The following SMYD3 variants were observed in gnomAD, a reference collection of about 807,000 sequenced individuals.
The protein encoded by SMYD3 is histone-lysine N-methyltransferase SMYD3.
A neutral mutation model predicts 57.7 loss-of-function variants in SMYD3; 36 were observed. The observed-to-expected ratio is 0.62, with a 90% CI of 0.48 to 0.82. SMYD3 has a LOEUF of 0.82. Ranked by LOEUF, SMYD3 falls within the 40% of genes least tolerant of loss-of-function variation. SMYD3 has a pLI of 0.00. For synonymous variants in SMYD3, 211 were observed against 195.0 expected (o/e 1.08, Z -0.68); for missense variants, 515 against 538.8 (o/e 0.96, Z 0.44).
At chr1:245,876,808 C>T (rs1186044892) in intron 8 of SMYD3, among the ~76,000 whole-genome samples, 8 of 152,272 alleles carry the variant, frequency 5.3e-5, no homozygotes, top group South Asian at 2.1e-4. Flanking sequence ...TTCTAAATAC[C>T]GCACGTGATA....
At chr1:246,332,201 AC>A (rs1331116513) in intron 3 of SMYD3, among the ~76,000 whole-genome samples, 1 of 152,262 alleles carries the variant, frequency 6.6e-6, no homozygotes, top group Non-Finnish European at 1.5e-5. Context: ...GGCCTCTTGC[AC>A]CAAACAGCCA....
chr1:246,503,954 T>TAAA (rs55709330), intron 1 of SMYD3, among the ~76,000 whole-genome samples: 5 of 128,386 alleles, frequency 3.9e-5, no homozygotes, highest in African/African-American at 9.1e-5. Flanking sequence ...AACTCCATCT[T>TAAA]AAAAAAAAAA....
chr1:246,039,056 C>A (rs1014915078), intron 5 of SMYD3, among the ~76,000 whole-genome samples: 1 of 152,160 alleles, frequency 6.6e-6, no homozygotes, highest in African/African-American at 2.4e-5. Context: ...AATTTCCTTT[C>A]CTTGTTTTCT....
chr1:245,775,259 GT>G (rs2046530169), intron 10 of SMYD3, among the ~76,000 whole-genome samples: 1 of 152,074 alleles, frequency 6.6e-6, no homozygotes, highest in Non-Finnish European at 1.5e-5. Context: ...GACGATGGCG[GT>G]TTTGTCGAGT....
At chr1:246,088,876 C>T (rs1483864196) in intron 5 of SMYD3, among the ~76,000 whole-genome samples, 1 of 152,156 alleles carries the variant, frequency 6.6e-6, no homozygotes, top group Non-Finnish European at 1.5e-5. Context: ...TACATACACA[C>T]ACATATATAT....
At chr1:245,797,549 T>C (rs1402252817) in intron 10 of SMYD3, among the ~76,000 whole-genome samples, 1 of 145,796 alleles carries the variant, frequency 6.9e-6, no homozygotes, top group Non-Finnish European at 1.5e-5. Flanking sequence ...GGGGGTAGGA[T>C]AGCATTAGGA....
chr1:245,956,067 A>G (rs1466439698), intron 5 of SMYD3: 1 of 983,694 alleles, frequency 1.0e-6, no homozygotes. Context: ...GGTTATACAA[A>G]TAGATAACAT....
At chr1:245,812,963 A>C (rs541141768) in intron 10 of SMYD3, among the ~76,000 whole-genome samples, 1 of 142,836 alleles carries the variant, frequency 7.0e-6, no homozygotes, top group South Asian at 2.3e-4. Flanking sequence ...TGAGGAGGTG[A>C]GGAGGAGAGG....
intron 1 of SMYD3, among the ~76,000 whole-genome samples, chr1:246,449,757 T>C (rs548935664): frequency 5.3e-5 from 8 of 152,076 alleles, no homozygotes; most frequent in Non-Finnish European, 1.2e-4. Flanking sequence ...CAGAGAAGTG[T>C]CAATGAAGTC....
At chr1:246,237,774 C>T (rs756587138) in intron 5 of SMYD3, among the ~76,000 whole-genome samples, 1 of 152,122 alleles carries the variant, frequency 6.6e-6, no homozygotes, top group South Asian at 2.1e-4. Flanking sequence ...CCATCCGTAT[C>T]GTACTGTGAC....
At chr1:246,301,337 A>G (rs1047407259) in intron 5 of SMYD3, among the ~76,000 whole-genome samples, 1 of 152,178 alleles carries the variant, frequency 6.6e-6, no homozygotes, top group African/African-American at 2.4e-5. Flanking sequence ...GCAGGAGCCA[A>G]GACAAACCAA....
intron 8 of SMYD3, among the ~76,000 whole-genome samples, chr1:245,869,845 T>A (rs1053507243): frequency 1.3e-5 from 2 of 152,298 alleles, no homozygotes; most frequent in Middle Eastern, 3.4e-3. Context: ...TCCATTTAAG[T>A]CTTTGGCTTT....
At chr1:245,949,314 C>T (rs2057534816) in intron 5 of SMYD3, among the ~76,000 whole-genome samples, 1 of 152,196 alleles carries the variant, frequency 6.6e-6, no homozygotes, top group Non-Finnish European at 1.5e-5. Flanking sequence ...TAGCCCACCA[C>T]CGCCACCGTG....
intron 1 of SMYD3, among the ~76,000 whole-genome samples, chr1:246,444,332 G>A (rs550631312): frequency 6.4e-4 from 98 of 152,132 alleles, no homozygotes; most frequent in Non-Finnish European, 1.1e-3. Flanking sequence ...CACCATGTTG[G>A]CCAGACTGGT....
At chr1:246,043,447 A>G (rs1361120800) in intron 5 of SMYD3, among the ~76,000 whole-genome samples, 3 of 152,238 alleles carry the variant, frequency 2.0e-5, no homozygotes, top group Admixed American at 2.0e-4. Context: ...ATATCTTGAG[A>G]TAGAACCAAC....
intron 2 of SMYD3, among the ~76,000 whole-genome samples, chr1:246,344,958 TGA>T (rs1446053788): frequency 1.3e-5 from 2 of 151,536 alleles, no homozygotes; most frequent in South Asian, 4.2e-4. Flanking sequence ...TTGGTTGGGG[TGA>T]GAGAGAGAGA....
intron 5 of SMYD3, among the ~76,000 whole-genome samples, chr1:246,285,970 C>G (rs538543237): frequency 6.6e-6 from 1 of 152,032 alleles, no homozygotes; most frequent in East Asian, 1.9e-4. Context: ...ATGGCCATAA[C>G]CAAAAAAATT....
intron 5 of SMYD3, among the ~76,000 whole-genome samples, chr1:246,207,415 C>G (rs2063016972): frequency 6.6e-6 from 1 of 152,132 alleles, no homozygotes; most frequent in African/African-American, 2.4e-5. Context: ...CTGAAGATCT[C>G]TTAGCGCTCC....
intron 5 of SMYD3, among the ~76,000 whole-genome samples, chr1:246,283,911 T>C (rs1400074205): frequency 6.6e-6 from 1 of 152,150 alleles, no homozygotes; most frequent in Non-Finnish European, 1.5e-5. Flanking sequence ...ATAACTGATT[T>C]CAAAATAACA....
Sources: gnomAD v4.1 joint callset for allele counts (sites outside exome capture counted in the v4.1 genomes callset) on GRCh38, gnomAD v4.1.1 for gene constraint, MANE v1.5 for transcripts, NCBI Gene and HGNC (gene_info 2026-07-23, HGNC 2026-07-21) for gene names.